Variants in ZMIZ1 observed in about 807,000 individuals in gnomAD.
ZMIZ1 encodes the protein zinc finger MIZ domain-containing protein 1.
In ZMIZ1, 17 loss-of-function variants were observed where a neutral mutation model predicts 113.9. That is an observed-to-expected ratio of 0.15 (90% confidence interval 0.10 to 0.22). ZMIZ1 has a LOEUF of 0.22. ZMIZ1 is among the 10% of genes least tolerant of loss of function. The probability of loss-of-function intolerance (pLI) is 1.00; values close to 1 mark genes in which losing one functional copy is unlikely to be tolerated. For missense variants in ZMIZ1, 1,059 were observed against 1,477.8 expected, an observed-to-expected ratio of 0.72 and a Z score of 4.65; for synonymous variants, 607 against 603.1, an observed-to-expected ratio of 1.01 and a Z score of -0.09.
chr10:79,174,372 T>G (rs1284637372), intron 4 of ZMIZ1, among the ~76,000 whole-genome samples: 2 of 152,110 alleles, frequency 1.3e-5, no homozygotes, highest in Non-Finnish European at 2.9e-5. Context: ...GACTCCCAGT[T>G]GTCGGCTCCA....
chr10:79,194,327 G>A (rs1221449553), intron 4 of ZMIZ1, among the ~76,000 whole-genome samples: 6 of 152,254 alleles, frequency 3.9e-5, no homozygotes, highest in Non-Finnish European at 8.8e-5. Context: ...CTATGCACAC[G>A]TGTGCTGTGC....
intron 1 of ZMIZ1, among the ~76,000 whole-genome samples, chr10:79,094,223 G>C (rs1843093199): frequency 6.6e-6 from 1 of 152,110 alleles, no homozygotes; most frequent in African/African-American, 2.4e-5. Flanking sequence ...GAGTCCGGCT[G>C]CAGCCGGGCC....
intron 4 of ZMIZ1, 99 bp downstream of exon 4, chr10:79,162,232 G>A (rs1846140763): frequency 5.0e-6 from 2 of 397,752 alleles, no homozygotes; most frequent in East Asian, 3.6e-5. Context: ...CCTTTGACTC[G>A]GGCCTCAGCC....
chr10:79,208,468 C>T lies in ZMIZ1; in HGVS notation c.174+19C>T, dbSNP rs372254182. ...TTTGACGGTGAGTCTGCACCCTGTC[C>T]GCCTGCATTCCTGCCCAGGAAGGTC... On this transcript the variant is annotated intron_variant, in intron 6 of 24. Coordinates refer to ENST00000334512, the MANE Select transcript of ZMIZ1 (RefSeq NM_020338.4). 3.2e-5 allele frequency: 52 copies of T among 1,601,462 alleles called. No homozygotes were observed. The African/African-American group carries it at 3.3e-4, about 10-fold the overall frequency.
At chr10:79,075,994 G>A (rs1842462029) in intron 1 of ZMIZ1, among the ~76,000 whole-genome samples, 1 of 152,186 alleles carries the variant, frequency 6.6e-6, no homozygotes, top group Non-Finnish European at 1.5e-5. Context: ...GTCCTGTGCT[G>A]CCCTCCTCTT....
chr10:79,088,664 TC>T (rs1445463857), intron 1 of ZMIZ1, among the ~76,000 whole-genome samples: 5 of 152,324 alleles, frequency 3.3e-5, no homozygotes, highest in Non-Finnish European at 5.9e-5. Flanking sequence ...GGACTACTGT[TC>T]CGACTCTGAG....
intron 8 of ZMIZ1, among the ~76,000 whole-genome samples, chr10:79,286,300 A>T (rs997576148): frequency 2.0e-5 from 3 of 152,184 alleles, no homozygotes; most frequent in African/African-American, 7.2e-5. Context: ...GGGAACAGGG[A>T]CCAGGCATTC....
At chr10:79,201,070 G>A (rs1016756751) in intron 4 of ZMIZ1, among the ~76,000 whole-genome samples, 7 of 152,180 alleles carry the variant, frequency 4.6e-5, no homozygotes, top group Non-Finnish European at 8.8e-5. Flanking sequence ...CACTTTGGGA[G>A]CCTGAGGTGG....
At chr10:79,081,331 T>G (rs1013471819) in intron 1 of ZMIZ1, among the ~76,000 whole-genome samples, 2 of 152,128 alleles carry the variant, frequency 1.3e-5, no homozygotes, top group Non-Finnish European at 2.9e-5. Flanking sequence ...GGCCTTATTA[T>G]CTCTGCCTCT....
At chr10:79,137,643 A>T (rs1845062730) in intron 2 of ZMIZ1, among the ~76,000 whole-genome samples, 1 of 152,154 alleles carries the variant, frequency 6.6e-6, no homozygotes. Context: ...CAGACCCAGA[A>T]TGGTCCTTGC....
chr10:79,101,900 C>T (rs1381802412), intron 1 of ZMIZ1, among the ~76,000 whole-genome samples: 2 of 152,172 alleles, frequency 1.3e-5, no homozygotes, highest in South Asian at 2.1e-4. Context: ...CATCAGCTGC[C>T]ACAATGCAGG....
chr10:79,078,144 G>A (rs1842536543), intron 1 of ZMIZ1, among the ~76,000 whole-genome samples: 1 of 152,208 alleles, frequency 6.6e-6, no homozygotes, highest in Non-Finnish European at 1.5e-5. Context: ...TCGAGAGGGA[G>A]GTGTTGCATC....
chr10:79,311,317 AGACC>A, intron 24 of ZMIZ1, 133 bp downstream of exon 24: 2 of 1,070,270 alleles, frequency 1.9e-6, no homozygotes, highest in Non-Finnish European at 2.5e-6. Context: ...GGCTTCACCC[AGACC>A]TGGCTCCAGA....
At chr10:79,242,704 C>T (rs1264282849) in intron 7 of ZMIZ1, among the ~76,000 whole-genome samples, 1 of 152,016 alleles carries the variant, frequency 6.6e-6, no homozygotes, top group African/African-American at 2.4e-5. Flanking sequence ...GCCTTCCCGG[C>T]GGCCTCCTCG....
At chr10:79,224,427 C>G (rs1264938709) in intron 7 of ZMIZ1, among the ~76,000 whole-genome samples, 1 of 152,170 alleles carries the variant, frequency 6.6e-6, no homozygotes, top group African/African-American at 2.4e-5. Context: ...GCAGCCCTCT[C>G]TGGTTCCCCG....
At chr10:79,160,468 G>A (rs967045124) in intron 3 of ZMIZ1, among the ~76,000 whole-genome samples, 3 of 152,232 alleles carry the variant, frequency 2.0e-5, no homozygotes, top group Non-Finnish European at 2.9e-5. Flanking sequence ...CGCATGCAGT[G>A]CATTACACAG....
intron 6 of ZMIZ1, among the ~76,000 whole-genome samples, chr10:79,214,966 C>T (rs968649679): frequency 2.6e-5 from 4 of 152,182 alleles, no homozygotes; most frequent in South Asian, 2.1e-4. Context: ...TGGAGCGCCC[C>T]GTCCCACACT....
chr10:79,287,771 G>C (rs548295451), intron 8 of ZMIZ1, among the ~76,000 whole-genome samples: 1 of 152,352 alleles, frequency 6.6e-6, no homozygotes, highest in East Asian at 1.9e-4. Context: ...AGAGTAGAGT[G>C]GGGAGGTATC....
intron 4 of ZMIZ1, among the ~76,000 whole-genome samples, chr10:79,192,226 G>T (rs1847636463): frequency 6.6e-6 from 1 of 152,254 alleles, no homozygotes; most frequent in African/African-American, 2.4e-5. Flanking sequence ...TAGGATCCCA[G>T]CCCTGTGTGG....
Sources: allele counts gnomAD v4.1 joint callset (sites outside exome capture counted in the v4.1 genomes callset), GRCh38; gene constraint gnomAD v4.1.1; transcripts MANE v1.5; gene names NCBI Gene and HGNC (gene_info 2026-07-23, HGNC 2026-07-21).